The following SHMT1 variants were observed in gnomAD, a reference collection of about 807,000 sequenced individuals.
The protein encoded by SHMT1 is serine hydroxymethyltransferase 1.
In SHMT1, 45 loss-of-function variants were observed where a neutral mutation model predicts 49.0. The ratio of observed to expected loss-of-function variants is 0.92; its 90% confidence interval spans 0.72 to 1.18. The LOEUF (loss-of-function observed/expected upper bound fraction) is 1.18, where lower values mean the gene tolerates loss of function less well. SHMT1 is among the 50% of genes most tolerant of loss of function. The pLI is 0.00. For missense variants in SHMT1, 541 were observed against 612.4 expected (o/e 0.88, Z 1.23); for synonymous variants, 232 against 246.6 (o/e 0.94, Z 0.55).
intron 3 of SHMT1, 137 bp downstream of exon 3, chr17:18,353,535 G>A: frequency 1.1e-6 from 1 of 903,198 alleles, no homozygotes. Context: ...AGTTCTGTCA[G>A]AGAGCAGGCG....
At chr17:18,332,979 G>T (rs759618147) in intron 9 of SHMT1, 187 bp downstream of exon 9, 29 of 711,750 alleles carry the variant, frequency 4.1e-5, no homozygotes, top group Non-Finnish European at 7.3e-5. Context: ...CACCCAAGGG[G>T]GCGGCTGGCT....
rs1450230148 is a variant in SHMT1 at position 18,328,412 on chromosome 17, G to A, written c.*338C>T. The A allele has an allele frequency of 5.7e-6, 2 of 348,132 alleles. No individual in the cohort carries two copies. The highest frequency in any genetic ancestry group is 1.1e-5 in the Non-Finnish European group (2 of 181,984). The allele number at this position is 348,132 out of a possible 1,614,324, so 21.6% of individuals were successfully genotyped here. ...GAGGAAAGCCCAGGGAGAGTAAAAC[G>A]CTACAATCTTTCTAACAGCTTTGCC... On this transcript the variant is annotated 3_prime_UTR_variant, in exon 12 of 12. Coordinates refer to ENST00000316694, the MANE Select transcript of SHMT1 (RefSeq NM_004169.5).
In SHMT1 at chr17:18,363,549, T is replaced by C. The variant is rs1263657169; in HGVS notation, c.-197A>G. The C allele has an allele frequency of 6.6e-6, 1 of 152,300 alleles. No individual in the cohort carries two copies. The highest frequency in any genetic ancestry group is 2.4e-5 in the African/African-American group (1 of 41,462). 9.4% of individuals were successfully genotyped at this position (152,300 alleles called of 1,614,324 possible). On this transcript the variant is annotated 5_prime_UTR_variant, in exon 1 of 12. Transcript: ENST00000316694. ...TGCACTCTGCGCGCCAGGCTTGGGCTTGGCCCCGCCCCCGGAGGCGCCCAA... is the reference window on the plus strand; with the variant it reads ...TGCACTCTGCGCGCCAGGCTTGGGCCTGGCCCCGCCCCCGGAGGCGCCCAA...
chr17:18,354,062 C>T (rs1985984795), intron 2 of SHMT1, among the ~76,000 whole-genome samples: 1 of 152,184 alleles, frequency 6.6e-6, no homozygotes. Flanking sequence ...GCTGGTGGAT[C>T]ACCTGAGGTC....
At chr17:18,346,358 C>T (rs896359003) in intron 5 of SHMT1, among the ~76,000 whole-genome samples, 2 of 152,224 alleles carry the variant, frequency 1.3e-5, no homozygotes, top group African/African-American at 2.4e-5. Flanking sequence ...ACCTCTTCTT[C>T]CCATTATCCT....
rs774048755 is a variant in SHMT1, at chr17:18,335,666, C to T, written c.824G>A (p.Ser275Asn). Residue 275 changes from serine (S) to asparagine (N), a missense_variant, in exon 8 of 12, where the codon AGT becomes AAT. Coordinates refer to ENST00000316694, the MANE Select transcript of SHMT1 (RefSeq NM_004169.5). The part of the protein sequence containing the change: ...GMIFYRKGVK[S>N]VDPKTGKEIL... ...CTCTTTGCCAGTCTTGGGATCCACA[C>T]TTTTCACTCCTGGAGGAAGAAAAAC... 1 of 1,610,576 alleles carries T rather than the reference C, an allele frequency of 6.2e-7. No homozygotes were observed. Among genetic ancestry groups the T allele is most frequent in the Non-Finnish European group, 8.5e-7 (1 of 1,176,770 alleles).
chr17:18,347,379 C>T (rs879245799), intron 5 of SHMT1, 117 bp downstream of exon 5: 35 of 1,179,528 alleles, frequency 3.0e-5, no homozygotes, highest in South Asian at 2.7e-4. Context: ...AAATTAAAAA[C>T]GGTGCGAGGT....
In SHMT1 at chr17:18,330,562, G is replaced by C. The variant is rs748812687; in HGVS notation, c.1164C>G (p.Thr388=). ...GGCAAGGATGATTCTCACCTGGACA[G>C]GTGTTCTTGTTGCAGGCAATAGAAC... ...EACSIACNKN[T]CPGDRSALRP... The change falls in exon 10 of 12, where the codon ACC becomes ACG. Residue 388 remains threonine, a synonymous_variant. Transcript: ENST00000316694. The C allele has an allele frequency of 3.1e-6, 5 of 1,605,408 alleles. No homozygotes were observed. Among genetic ancestry groups the C allele is most frequent in the African/African-American group, 2.7e-5 (2 of 74,792 alleles).
rs148377107 is a variant in SHMT1, at chr17:18,340,089, G to A, written c.768C>T (p.His256=). 20 of 1,614,002 alleles carry A rather than the reference G, an allele frequency of 1.2e-5. 1 individual carries two copies. In the African/African-American group the frequency reaches 1.5e-4, roughly 12 times the overall value. ...CAGCTCGGCAGCCTCGCAGGGTCTT[G>A]TGAGTGGTGGTGGTCACCACATGGC... ...EHCHVVTTTT[H]KTLRGCRAGM... is the part of the protein sequence containing the mutation. Residue 256 remains histidine, a synonymous_variant, in exon 7 of 12, where the codon CAC becomes CAT. Transcript: ENST00000316694. This position sits in a 1 kb window ranked among gnomAD's most constrained non-coding sequence, Gnocchi z 4.5.
intron 1 of SHMT1, among the ~76,000 whole-genome samples, chr17:18,358,407 T>C (rs1419981244): frequency 6.6e-6 from 1 of 151,682 alleles, no homozygotes; most frequent in Non-Finnish European, 1.5e-5. Flanking sequence ...GGAGAATCAC[T>C]TGAACCTGGG....
At chr17:18,338,228 C>T (rs1213584180) in intron 7 of SHMT1, among the ~76,000 whole-genome samples, 2 of 151,542 alleles carry the variant, frequency 1.3e-5, no homozygotes, top group Non-Finnish European at 2.9e-5. Flanking sequence ...GCTGCAACCC[C>T]GTCTGGGAGG....
In SHMT1 at chr17:18,340,444, G is replaced by A. The variant is rs993546589; in HGVS notation, c.602-189C>T. The A allele has an allele frequency of 9.9e-6, 7 of 704,388 alleles. No individual in the cohort carries two copies. The highest frequency in any genetic ancestry group is 4.4e-5 in the Admixed American group (2 of 45,810). 43.6% of individuals were successfully genotyped at this position (704,388 alleles called of 1,614,324 possible). On this transcript the variant is annotated intron_variant, in intron 6 of 11. Transcript: ENST00000316694. This position sits in a 1 kb window ranked among gnomAD's most constrained non-coding sequence, Gnocchi z 4.5. ...AAGGCAACCACTCTAACTCTTCAAC[G>A]TCTTGGTGGTTGAGATGGCCCCAAC...
At chr17:18,341,242 T>C (rs1984469904) in intron 5 of SHMT1, 2 of 241,256 alleles carry the variant, frequency 8.3e-6, no homozygotes, top group South Asian at 5.3e-5. Context: ...ATTTAAAAAC[T>C]GACATTACAC....
At chr17:18,331,177 A>G (rs1243499329) in intron 9 of SHMT1, 3 of 266,910 alleles carry the variant, frequency 1.1e-5, no homozygotes, top group Non-Finnish European at 2.2e-5. Context: ...AGGCTAACAG[A>G]GTTTTCTGGA....
chr17:18,363,148 C>T (rs1986926584), intron 1 of SHMT1: 1 of 152,298 alleles, frequency 6.6e-6, no homozygotes, highest in Admixed American at 6.5e-5. Context: ...CACGGGCCGC[C>T]ACCCCATCAT....
At chr17:18,337,582 G>A (rs1379399095) in intron 7 of SHMT1, among the ~76,000 whole-genome samples, 1 of 64,744 alleles carries the variant, frequency 1.5e-5, no homozygotes, top group African/African-American at 5.3e-5. Flanking sequence ...CTCTCCCCAC[G>A]GTCTCCCTCT....
chr17:18,336,060 C>T (rs989507131), intron 7 of SHMT1, among the ~76,000 whole-genome samples: 2 of 151,304 alleles, frequency 1.3e-5, no homozygotes, highest in Admixed American at 6.6e-5. Flanking sequence ...GGGCGGATCA[C>T]GAGGTCAGGA....
chr17:18,337,614 G>C (rs898467849), intron 7 of SHMT1, among the ~76,000 whole-genome samples: 10 of 133,530 alleles, frequency 7.5e-5, no homozygotes, highest in African/African-American at 1.4e-4. Flanking sequence ...GTCTCCCTCT[G>C]ATGCCGAGCC....
chr17:18,347,806 G>T, intron 4 of SHMT1, 150 bp from the exon 5 acceptor site: 1 of 802,882 alleles, frequency 1.2e-6, no homozygotes, highest in Non-Finnish European at 2.0e-6. Flanking sequence ...TTCACCACCA[G>T]CCTTGAGAGG....
Sources: gnomAD v4.1 joint callset for allele counts (sites outside exome capture counted in the v4.1 genomes callset) on GRCh38, gnomAD v4.1.1 for gene constraint, Gnocchi (gnomAD v3.1) non-coding constraint, MANE v1.5 for transcripts, NCBI Gene and HGNC (gene_info 2026-07-23, HGNC 2026-07-21) for gene names.